Variants in MFN2 observed in about 807,000 individuals in gnomAD.
The protein encoded by MFN2 is mitofusin-2.
A neutral mutation model predicts 87.5 loss-of-function variants in MFN2; 43 were observed. The ratio of observed to expected loss-of-function variants is 0.49; its 90% CI spans 0.38 to 0.63. The LOEUF (loss-of-function observed/expected upper bound fraction) is 0.63. MFN2 is among the 30% of genes least tolerant of loss of function. The probability of loss-of-function intolerance (pLI) is 0.00; values close to 1 mark genes in which losing one functional copy is unlikely to be tolerated. For missense variants in MFN2, 743 were observed against 972.8 expected (o/e 0.76, Z 3.14); for synonymous variants, 337 against 359.9 (o/e 0.94, Z 0.72).
At chr1:12,001,614 T>C in intron 9 of MFN2, 60 bp downstream of exon 9, 1 of 1,611,916 alleles carries the variant, frequency 6.2e-7, no homozygotes, top group Non-Finnish European at 8.5e-7. Flanking sequence ...TGTCTCGTGC[T>C]GAGGAGTCTG....
chr1:11,999,796 C>CA (rs1639091560), intron 8 of MFN2, among the ~76,000 whole-genome samples: 1 of 149,596 alleles, frequency 6.7e-6, no homozygotes, highest in South Asian at 2.2e-4. Flanking sequence ...ACGCCATCTC[C>CA]AAAAAAATAA....
At chr1:11,990,266 G>T (rs1316942534) in intron 3 of MFN2, among the ~76,000 whole-genome samples, 3 of 152,234 alleles carry the variant, frequency 2.0e-5, no homozygotes, top group Non-Finnish European at 4.4e-5. Flanking sequence ...CCAACTTCAT[G>T]CCCTCATCTG....
At position 12,009,645 on chromosome 1, in the gene MFN2, A is replaced by G. The variant is rs1557537210; in HGVS notation, c.2123A>G (p.Glu708Gly). Reference protein sequence around the residue: ...HLCQQVDVTRENLEQEIAAMN... With the variant: ...HLCQQVDVTRGNLEQEIAAMN... ...TGTCAGCAAGTTGACGTCACCCGGG[A>G]GAACCTGGAGCAGGAAATTGCCGCC... The change falls in exon 18 of 19, where the codon GAG becomes GGG. Residue 708 changes from glutamate (E) to glycine (G), a missense_variant. Coordinates refer to ENST00000235329, the MANE Select transcript of MFN2 (RefSeq NM_014874.4). The G allele has an allele frequency of 6.2e-7, 1 of 1,614,236 alleles. No homozygotes were observed. The highest frequency in any genetic ancestry group is 8.5e-7 in the Non-Finnish European group (1 of 1,180,048).
intron 2 of MFN2, among the ~76,000 whole-genome samples, chr1:11,986,586 T>C (rs890625117): frequency 2.0e-5 from 3 of 151,438 alleles, no homozygotes; most frequent in Non-Finnish European, 4.4e-5. Flanking sequence ...ACGCCTCTTT[T>C]TGATCTTTTT....
chr1:11,992,106 G>A (rs560878176), intron 3 of MFN2, among the ~76,000 whole-genome samples: 20 of 152,256 alleles, frequency 1.3e-4, no homozygotes, highest in African/African-American at 4.6e-4. Flanking sequence ...TGCCTGGCAT[G>A]TGGTAAGAAC....
rs746340749 is a variant in MFN2 at position 11,998,938 on chromosome 1, G to T, written c.709-50G>T. ...CACCCCCTGGGCAGGCAGCTGATGG[G>T]GCCTTGGCTGTCAAGCTCCTGCTCC... On this transcript the variant is annotated intron_variant, in intron 7 of 18. Coordinates refer to ENST00000235329, the MANE Select transcript of MFN2 (RefSeq NM_014874.4). 6 of 1,612,056 alleles carry T rather than the reference G, an allele frequency of 3.7e-6. No individual in the cohort carries two copies. In the South Asian group the frequency reaches 5.5e-5, roughly 15 times the overall value.
At chr1:11,993,658 C>T (rs1193678240) in intron 4 of MFN2, among the ~76,000 whole-genome samples, 1 of 150,956 alleles carries the variant, frequency 6.6e-6, no homozygotes, top group African/African-American at 2.5e-5. Context: ...TGGTGTGAAC[C>T]CCAGGGGGCG....
At chr1:11,999,170 C>A in intron 8 of MFN2, 75 bp downstream of exon 8, 1 of 1,191,992 alleles carries the variant, frequency 8.4e-7, no homozygotes, top group Non-Finnish European at 1.3e-6. Flanking sequence ...CCACTTCCTG[C>A]ACCCCTGGAT....
chr1:12,001,844 C>T lies in MFN2; in HGVS notation c.1038+8C>T. On this transcript the variant is annotated splice_region_variant and intron_variant, in intron 10 of 18. Transcript: ENST00000235329. ...TTTGAGAGGAGATTTGAGGTGAGTC[C>T]TCTGATTCTGGTATCTGGCGATTCT... The T allele has an allele frequency of 6.2e-7, 1 of 1,614,082 alleles. No individual in the cohort carries two copies. The highest frequency in any genetic ancestry group is 8.5e-7 in the Non-Finnish European group (1 of 1,179,986).
intron 17 of MFN2, among the ~76,000 whole-genome samples, chr1:12,008,813 G>A (rs555064728): frequency 0.014 from 2,162 of 152,320 alleles, 25 homozygotes; most frequent in Non-Finnish European, 0.021. Flanking sequence ...GGTGGCGGCC[G>A]GGCAGAGGCT....
intron 2 of MFN2, among the ~76,000 whole-genome samples, chr1:11,986,392 A>G (rs1638407280): frequency 1.3e-5 from 2 of 152,134 alleles, no homozygotes; most frequent in Non-Finnish European, 2.9e-5. Context: ...TGACAGACCC[A>G]GGCACAGTCA....
At chr1:12,007,335 G>A (rs901102957) in intron 17 of MFN2, 86 bp downstream of exon 17, 16 of 1,509,196 alleles carry the variant, frequency 1.1e-5, no homozygotes, top group Non-Finnish European at 1.4e-5. Context: ...TTCCCACGTG[G>A]CCTGGAAGCC....
In MFN2 at chr1:12,004,443, C is replaced by G. The variant is rs549881687; in HGVS notation, c.1288-66C>G. The G allele has an allele frequency of 2.2e-6, 3 of 1,367,844 alleles. No individual in the cohort carries two copies. Among genetic ancestry groups the G allele is most frequent in the Non-Finnish European group, 3.1e-6 (3 of 955,958 alleles). The allele number at this position is 1,367,844 out of a possible 1,614,324, so 84.7% of individuals were successfully genotyped here. ...GGATGTGCCATCTGCTAGGATCTCT[C>G]CTGGTGCTGCAGGAGTGAACTTTGG... On this transcript the variant is annotated intron_variant, in intron 12 of 18. Transcript: ENST00000235329. This position sits in a 1 kb window ranked among gnomAD's most constrained non-coding sequence, Gnocchi z 4.2.
At chr1:11,997,672 G>A (rs1638970759) in intron 6 of MFN2, among the ~76,000 whole-genome samples, 1 of 152,148 alleles carries the variant, frequency 6.6e-6, no homozygotes, top group Non-Finnish European at 1.5e-5. Flanking sequence ...TCAAAAGTTG[G>A]TGGGGGAGGT....
Position 11,996,141 on chromosome 1 carries a change from G to A in MFN2, c.312-15G>A, listed in dbSNP as rs766572660. 1.2e-6 allele frequency: 2 copies of A among 1,614,130 alleles called. No homozygotes were observed. Among genetic ancestry groups the A allele is most frequent in the Non-Finnish European group, 1.7e-6 (2 of 1,180,018 alleles). ...GATACTGGTGGCTTTGCTGACAGCT[G>A]TTACTTCCTTCTAGGACGAGCAATG... On this transcript the variant is annotated splice_polypyrimidine_tract_variant and intron_variant, in intron 4 of 18. Transcript: ENST00000235329.
Position 11,997,038 on chromosome 1 carries a change from C to CA in MFN2, c.475-240dup, listed in dbSNP as rs35141271. On this transcript the variant is annotated intron_variant, in intron 5 of 18. Transcript: ENST00000235329. ...TGGGTGACAGAGCGAGACTCCGTCT[C>CA]AAAAAAAAAAAAAAAAAAAGAATCA... Among the ~76,000 whole-genome samples the CA allele has an allele frequency of 7.8e-3, 780 of 99,650 alleles. 9 individuals carry two copies. Among genetic ancestry groups the CA allele is most frequent in the African/African-American group, 0.023 (632 of 27,096 alleles). The allele number at this position is 99,650 out of a possible 152,430, so 65.4% of individuals were successfully genotyped here. A position where few individuals can be genotyped will look rare whatever the true frequency, so the allele number is the denominator to read the frequency against.
At position 11,989,188 on chromosome 1, in the gene MFN2, G is replaced by T. The variant is rs1296772735; in HGVS notation, c.20G>T (p.Arg7Leu). 6.2e-7 allele frequency: 1 copy of T among 1,614,064 alleles called. No homozygotes were observed. The highest frequency in any genetic ancestry group is 8.5e-7 in the Non-Finnish European group (1 of 1,180,028). MSLLFS[R>L]CNSIVTVKKN... is the part of the protein sequence containing the mutation. ...AGCGCAATGTCCCTGCTCTTCTCTC[G>T]ATGCAACTCTATCGTCACAGTCAAG... The change falls in exon 3 of 19, where the codon CGA becomes CTA. Residue 7 changes from arginine to leucine, a missense_variant. Transcript: ENST00000235329.
At chr1:12,005,981 C>A in intron 15 of MFN2, 50 bp downstream of exon 15, 1 of 1,562,618 alleles carries the variant, frequency 6.4e-7, no homozygotes, top group Admixed American at 1.7e-5. Context: ...CAGTCTGTAC[C>A]CTGCCTCCAG....
Position 12,011,656 on chromosome 1 carries a change from G to GC in MFN2, c.*96dup. ...TCCCCCAGGGGCACGTGTGGCTCCTGCCCCCTGGCCACTGCCAAGAGAATG... is the reference window on the plus strand; with the variant it reads ...TCCCCCAGGGGCACGTGTGGCTCCTGCCCCCCTGGCCACTGCCAAGAGAATG... On this transcript the variant is annotated 3_prime_UTR_variant, in exon 19 of 19. Coordinates refer to ENST00000235329, the MANE Select transcript of MFN2 (RefSeq NM_014874.4). 2 of 1,358,210 alleles carry GC rather than the reference G, an allele frequency of 1.5e-6. No homozygotes were observed. Among genetic ancestry groups the GC allele is most frequent in the Non-Finnish European group, 2.1e-6 (2 of 953,818 alleles). The allele number at this position is 1,358,210 out of a possible 1,614,324, so 84.1% of individuals were successfully genotyped here.
Sources: allele counts gnomAD v4.1 joint callset (sites outside exome capture counted in the v4.1 genomes callset), GRCh38; gene constraint gnomAD v4.1.1; non-coding constraint Gnocchi (gnomAD v3.1); transcripts MANE v1.5; gene names NCBI Gene and HGNC (gene_info 2026-07-23, HGNC 2026-07-21).